The following MAP3K13 variants were observed in gnomAD, a reference collection of about 807,000 sequenced individuals.
MAP3K13 encodes mitogen-activated protein kinase kinase kinase 13, also known as leucine zipper-bearing kinase.
MAP3K13 carries 52 observed loss-of-function variants against 104.0 expected under a neutral mutation model. That is an observed-to-expected ratio of 0.50 (90% CI 0.40 to 0.63). MAP3K13 has a LOEUF of 0.63. MAP3K13 is among the 20% of genes least tolerant of loss of function. The probability of loss-of-function intolerance (pLI) is 0.00; values close to 1 mark genes in which losing one functional copy is unlikely to be tolerated. For missense variants in MAP3K13, 914 were observed against 1,218.5 expected, an observed-to-expected ratio of 0.75 and a Z score of 3.72; for synonymous variants, 394 against 442.2, an observed-to-expected ratio of 0.89 and a Z score of 1.37.
chr3:185,438,158 T>C (rs1284720781), intron 3 of MAP3K13, among the ~76,000 whole-genome samples: 3 of 151,988 alleles, frequency 2.0e-5, no homozygotes, highest in Non-Finnish European at 2.9e-5. Flanking sequence ...TAGCTGAATG[T>C]GGTAGCACAG....
intron 7 of MAP3K13, among the ~76,000 whole-genome samples, chr3:185,455,050 G>T (rs1397547966): frequency 1.5e-4 from 13 of 85,094 alleles, no homozygotes; most frequent in African/African-American, 4.0e-4. Context: ...ATATATATGA[G>T]ATATATGTGA....
intron 1 of MAP3K13, among the ~76,000 whole-genome samples, chr3:185,393,643 A>G (rs903634181): frequency 2.0e-5 from 3 of 151,958 alleles, no homozygotes; most frequent in African/African-American, 7.3e-5. Flanking sequence ...TATTTTTAGT[A>G]GAGTTGGGGT....
In MAP3K13 at chr3:185,466,369, CTT is replaced by C. The variant is rs59523963; in HGVS notation, c.1506-435_1506-434del. On this transcript the variant is annotated intron_variant, in intron 9 of 13. Transcript: ENST00000265026. ...CAGGTTAATTTGAATTTAGTATTTC[CTT>C]TTTTTTTTTTTTTTTTTTTTTGTGA... is the stretch of plus-strand genomic sequence containing the variant. Among the ~76,000 whole-genome samples, 488 of 85,326 alleles carry C rather than the reference CTT, an allele frequency of 5.7e-3. 3 individuals are homozygous for C. The highest frequency in any genetic ancestry group is 0.017 in the African/African-American group (385 of 22,372). The allele number at this position is 85,326 out of a possible 152,430, so 56.0% of individuals were successfully genotyped here. A position where few individuals can be genotyped will look rare whatever the true frequency, so the allele number is the denominator to read the frequency against.
At chr3:185,371,407 A>G (rs935815052) in intron 1 of MAP3K13, among the ~76,000 whole-genome samples, 4 of 152,242 alleles carry the variant, frequency 2.6e-5, no homozygotes, top group Admixed American at 1.3e-4. Flanking sequence ...GGGCAACCCT[A>G]AGAGAATGTG....
intron 1 of MAP3K13, among the ~76,000 whole-genome samples, chr3:185,404,923 C>CT (rs1393484497): frequency 4.6e-5 from 7 of 152,192 alleles, no homozygotes; most frequent in African/African-American, 1.7e-4. Flanking sequence ...TCTTGAAATT[C>CT]TTAATAATTC....
chr3:185,337,843 A>G (rs1722568913), intron 2 of MAP3K13, among the ~76,000 whole-genome samples: 1 of 152,028 alleles, frequency 6.6e-6, no homozygotes, highest in South Asian at 2.1e-4. Context: ...GGGACACAAT[A>G]GCTCCCAAGT....
chr3:185,326,456 C>T (rs1409807784), intron 2 of MAP3K13, among the ~76,000 whole-genome samples: 2 of 152,146 alleles, frequency 1.3e-5, no homozygotes, highest in Non-Finnish European at 2.9e-5. Context: ...TCAGCTCCCA[C>T]AAGAAAGCCC....
At chr3:185,437,186 G>A (rs1272592420) in intron 2 of MAP3K13, among the ~76,000 whole-genome samples, 1 of 151,970 alleles carries the variant, frequency 6.6e-6, no homozygotes, top group Admixed American at 6.6e-5. Flanking sequence ...CTGCAGGAGT[G>A]GTAGGATATG....
chr3:185,468,134 C>T (rs182503625), intron 10 of MAP3K13, among the ~76,000 whole-genome samples: 2 of 152,240 alleles, frequency 1.3e-5, no homozygotes, highest in African/African-American at 4.8e-5. Context: ...CAGGCCCCAC[C>T]TCCAACAGTA....
intron 2 of MAP3K13, chr3:185,292,967 T>G (rs140892842): frequency 4.1e-6 from 4 of 984,116 alleles, no homozygotes; most frequent in Non-Finnish European, 4.8e-6. Flanking sequence ...TATTTCACAA[T>G]GCATCCCACG....
In MAP3K13 at chr3:185,465,992, G is replaced by A. The variant is rs555160169; in HGVS notation, c.1505+129G>A. 1.2e-4 allele frequency: 88 copies of A among 737,026 alleles called. 1 individual carries two copies. The highest frequency in any genetic ancestry group is 8.6e-4 in the African/African-American group (50 of 58,374). 45.7% of individuals were successfully genotyped at this position (737,026 alleles called of 1,614,324 possible). ...TATTCATTCACCCAACATTCCTTCC[G>A]GGATGTGCTATGCACAGGTCCCTGC... On this transcript the variant is annotated intron_variant, in intron 9 of 13. Coordinates refer to ENST00000265026, the MANE Select transcript of MAP3K13 (RefSeq NM_004721.5).
chr3:185,437,626 T>C lies in MAP3K13; in HGVS notation c.655T>C (p.Phe219Leu). The C allele has an allele frequency of 6.4e-7, 1 of 1,559,418 alleles. No homozygotes were observed. ...RKLKHPNIIA[F>L]KGVCTQAPCY... ...GTTGAAGCACCCTAACATCATCGCA[T>C]TCAAGTAGGTCAAGGCTTTTTTTTT... The change falls in exon 3 of 14, where the codon TTC (phenylalanine) becomes CTC (leucine). Residue 219 changes from phenylalanine (F) to leucine (L), a missense_variant. Phe to Leu is a conservative substitution (Grantham distance 22). This residue lies in a region of MAP3K13 where 175 missense variants were observed against 321.3 expected (regional missense o/e 0.54). Coordinates refer to ENST00000265026, the MANE Select transcript of MAP3K13 (RefSeq NM_004721.5).
intron 1 of MAP3K13, among the ~76,000 whole-genome samples, chr3:185,427,181 C>T (rs1441121194): frequency 6.7e-6 from 1 of 148,648 alleles, no homozygotes; most frequent in Admixed American, 6.8e-5. Context: ...AGTGAAATCC[C>T]GTCTCTACTA....
Position 185,387,199 on chromosome 3 carries a change from G to A in MAP3K13, c.-86+23831G>A, listed in dbSNP as rs186450415. On this transcript the variant is annotated intron_variant, in intron 1 of 13. Coordinates refer to ENST00000265026, the MANE Select transcript of MAP3K13 (RefSeq NM_004721.5). ...ATTTCATTTTGAAATTTGATTTTCA[G>A]TGTTGGAGGTGGGGCCTAATGGGAG... Among the ~76,000 whole-genome samples the A allele has an allele frequency of 2.0e-3, 305 of 152,270 alleles. 1 individual carries two copies. The highest frequency in any genetic ancestry group is 6.6e-3 in the African/African-American group (276 of 41,552).
At chr3:185,378,004 G>T (rs555044917) in intron 1 of MAP3K13, among the ~76,000 whole-genome samples, 11 of 152,236 alleles carry the variant, frequency 7.2e-5, no homozygotes, top group East Asian at 3.9e-4. Context: ...AAGCTCCTGG[G>T]GTGGGGGGAG....
intron 1 of MAP3K13, among the ~76,000 whole-genome samples, chr3:185,411,781 CTTTTTTTTTTTT>C (rs67723912): frequency 1.1e-5 from 1 of 94,058 alleles, no homozygotes; most frequent in Non-Finnish European, 2.2e-5. Flanking sequence ...GCAGTTATGT[CTTTTTTTTTTTT>C]TTTTTTTTTG....
At chr3:185,415,598 T>TTC (rs1713716281) in intron 1 of MAP3K13, among the ~76,000 whole-genome samples, 1 of 148,088 alleles carries the variant, frequency 6.8e-6, no homozygotes, top group Non-Finnish European at 1.5e-5. Flanking sequence ...TTTTTTTTTT[T>TTC]TTGAGACAGA....
intron 2 of MAP3K13, among the ~76,000 whole-genome samples, chr3:185,336,627 G>A (rs1208012103): frequency 6.7e-6 from 1 of 150,136 alleles, no homozygotes; most frequent in Non-Finnish European, 1.5e-5. Flanking sequence ...ATAGATATCA[G>A]TTTCTCCTGA....
chr3:185,320,277 C>T (rs1308861338), intron 2 of MAP3K13, among the ~76,000 whole-genome samples: 4 of 152,072 alleles, frequency 2.6e-5, no homozygotes, highest in Non-Finnish European at 5.9e-5. Context: ...GATAAGGTCT[C>T]ACCATGTTGG....
Sources: allele counts gnomAD v4.1 joint callset (sites outside exome capture counted in the v4.1 genomes callset), GRCh38; gene constraint gnomAD v4.1.1; regional missense constraint gnomAD v4.1.1; transcripts MANE v1.5; gene names NCBI Gene and HGNC (gene_info 2026-07-23, HGNC 2026-07-21).